PRKAR2B: variants seen among roughly 807,000 people sequenced by gnomAD.
PRKAR2B encodes protein kinase cAMP-dependent type II regulatory subunit beta, also known as cAMP-dependent protein kinase type II-beta regulatory subunit.
A neutral mutation model predicts 49.9 loss-of-function variants in PRKAR2B; 14 were observed. The observed-to-expected ratio is 0.28, with a 90% CI of 0.19 to 0.44. The LOEUF is 0.44. PRKAR2B is among the 20% of genes least tolerant of loss of function. The pLI is 1.00. For synonymous variants in PRKAR2B, 196 were observed against 197.7 expected, an observed-to-expected ratio of 0.99 and a Z score of 0.07; for missense variants, 393 against 537.9, an observed-to-expected ratio of 0.73 and a Z score of 2.67.
At chr7:107,142,104 A>G (rs1277854935) in intron 5 of PRKAR2B, among the ~76,000 whole-genome samples, 1 of 152,128 alleles carries the variant, frequency 6.6e-6, no homozygotes, top group Non-Finnish European at 1.5e-5. Context: ...GTCCTCTCCC[A>G]GCCTGACTTA....
At chr7:107,058,846 C>G (rs1793967632) in intron 1 of PRKAR2B, among the ~76,000 whole-genome samples, 1 of 152,136 alleles carries the variant, frequency 6.6e-6, no homozygotes, top group African/African-American at 2.4e-5. Context: ...TCTGCCAAAA[C>G]TGAGTAGAGC....
intron 1 of PRKAR2B, among the ~76,000 whole-genome samples, chr7:107,067,889 A>G (rs993384066): frequency 6.6e-6 from 1 of 152,248 alleles, no homozygotes. Context: ...TCAAGTGTAT[A>G]TAAAGAGCTG....
intron 1 of PRKAR2B, chr7:107,068,934 G>A (rs1794207470): frequency 6.6e-6 from 1 of 152,014 alleles, no homozygotes; most frequent in Non-Finnish European, 1.5e-5. Flanking sequence ...GTTTGAAGAT[G>A]CTGATTTTTT....
intron 6 of PRKAR2B, 70 bp from the exon 7 acceptor site, chr7:107,150,852 G>A: frequency 1.4e-6 from 1 of 720,910 alleles, no homozygotes; most frequent in Non-Finnish European, 2.3e-6. Flanking sequence ...GTTTCTTGTA[G>A]GGAATAAAAT....
chr7:107,089,941 T>TAA (rs1450881389), intron 2 of PRKAR2B, among the ~76,000 whole-genome samples: 2 of 152,374 alleles, frequency 1.3e-5, no homozygotes, highest in African/African-American at 4.8e-5. Flanking sequence ...ATCTTGCAAA[T>TAA]ACAACTTTCT....
chr7:107,134,784 C>G (rs1196742526), intron 4 of PRKAR2B, among the ~76,000 whole-genome samples: 1 of 152,038 alleles, frequency 6.6e-6, no homozygotes, highest in East Asian at 1.9e-4. Context: ...CCTGGATATC[C>G]ACACACAAAA....
intron 2 of PRKAR2B, among the ~76,000 whole-genome samples, chr7:107,071,389 A>G (rs1021683661): frequency 6.6e-6 from 1 of 152,242 alleles, no homozygotes; most frequent in Non-Finnish European, 1.5e-5. Context: ...ATAATATGCT[A>G]TATTGGAATA....
At chr7:107,064,497 A>C (rs1794093059) in intron 1 of PRKAR2B, among the ~76,000 whole-genome samples, 1 of 152,186 alleles carries the variant, frequency 6.6e-6, no homozygotes, top group Admixed American at 6.5e-5. Flanking sequence ...ATAATCAAAA[A>C]GGAAGAAGAA....
chr7:107,144,520 G>A (rs1795853322), intron 5 of PRKAR2B, among the ~76,000 whole-genome samples: 1 of 152,104 alleles, frequency 6.6e-6, no homozygotes, highest in South Asian at 2.1e-4. Context: ...GAGTGCAGTG[G>A]TGCAGTCACA....
At chr7:107,143,543 A>G (rs547987863) in intron 5 of PRKAR2B, among the ~76,000 whole-genome samples, 32 of 152,320 alleles carry the variant, frequency 2.1e-4, no homozygotes, top group African/African-American at 3.8e-4. Context: ...CAAACACATT[A>G]GTTTTTACTG....
intron 8 of PRKAR2B, among the ~76,000 whole-genome samples, 179 bp from the exon 9 acceptor site, chr7:107,156,805 C>CA (rs761387174): frequency 0.023 from 2,627 of 115,334 alleles, 16 homozygotes; most frequent in Middle Eastern, 0.023. Flanking sequence ...GACTCCGTCT[C>CA]AAAAAAAAAA....
chr7:107,100,320 A>G (rs1280266537), intron 2 of PRKAR2B, among the ~76,000 whole-genome samples: 3 of 152,218 alleles, frequency 2.0e-5, no homozygotes, highest in Non-Finnish European at 4.4e-5. Flanking sequence ...GGAATATACC[A>G]TCTCACTACC....
In PRKAR2B at chr7:107,084,872, G is replaced by A. The variant is rs550374305; in HGVS notation, c.343+14556G>A. ...GATCTCCTGACCTGGTGATCCACCC[G>A]CCTCGGCCTCCCAAAGTGCTGGGAT... is the stretch of plus-strand genomic sequence containing the variant. On this transcript the variant is annotated intron_variant, in intron 2 of 10. Transcript: ENST00000265717. Among the ~76,000 whole-genome samples, 22 of 151,540 alleles carry A rather than the reference G, an allele frequency of 1.5e-4. 1 individual carries two copies. Among genetic ancestry groups the A allele is most frequent in the Middle Eastern group, 6.8e-3 (2 of 292 alleles).
At chr7:107,050,945 C>T (rs1343534100) in intron 1 of PRKAR2B, among the ~76,000 whole-genome samples, 1 of 152,196 alleles carries the variant, frequency 6.6e-6, no homozygotes, top group African/African-American at 2.4e-5. Flanking sequence ...GTCCTTTTGC[C>T]TCAGCTTCCG....
At chr7:107,093,504 T>C (rs1794771323) in intron 2 of PRKAR2B, among the ~76,000 whole-genome samples, 1 of 112,122 alleles carries the variant, frequency 8.9e-6, no homozygotes, top group Non-Finnish European at 2.1e-5. Flanking sequence ...CAGTGCCCAC[T>C]TTTTTTTCTT....
At chr7:107,070,139 T>C in intron 1 of PRKAR2B, 142 bp from the exon 2 acceptor site, 4 of 506,152 alleles carry the variant, frequency 7.9e-6, no homozygotes, top group African/African-American at 2.0e-5. Context: ...CATTTAATTT[T>C]TGTATATTCA....
chr7:107,052,430 A>G (rs995028386), intron 1 of PRKAR2B, among the ~76,000 whole-genome samples: 6 of 152,162 alleles, frequency 3.9e-5, no homozygotes, highest in African/African-American at 1.4e-4. Flanking sequence ...AAAAATAAAT[A>G]AATGGTGTCC....
intron 6 of PRKAR2B, among the ~76,000 whole-genome samples, chr7:107,148,958 T>TA (rs1795939641): frequency 6.6e-6 from 1 of 152,234 alleles, no homozygotes; most frequent in African/African-American, 2.4e-5. Context: ...TTCTGAGAGA[T>TA]ATAACTGATT....
At chr7:107,062,166 C>T (rs914016122) in intron 1 of PRKAR2B, among the ~76,000 whole-genome samples, 1 of 152,096 alleles carries the variant, frequency 6.6e-6, no homozygotes, top group African/African-American at 2.4e-5. Context: ...AGCAATCCCA[C>T]TCCTAGGTAT....
Sources: gnomAD v4.1 joint callset for allele counts (sites outside exome capture counted in the v4.1 genomes callset) on GRCh38, gnomAD v4.1.1 for gene constraint, MANE v1.5 for transcripts, NCBI Gene and HGNC (gene_info 2026-07-23, HGNC 2026-07-21) for gene names.